Variants in HELZ observed in about 807,000 individuals in gnomAD.
HELZ encodes ATP-dependent RNA helicase with zinc finger domain.
HELZ carries 23 observed loss-of-function variants against 218.2 expected under a neutral mutation model. That is an observed-to-expected ratio of 0.11 (90% CI 0.08 to 0.15). The LOEUF (loss-of-function observed/expected upper bound fraction) is 0.15, where lower values mean the gene tolerates loss of function less well. Ranked by LOEUF, HELZ falls within the 10% of genes least tolerant of loss-of-function variation. HELZ has a pLI of 1.00. For synonymous variants in HELZ, 814 were observed against 829.4 expected, an observed-to-expected ratio of 0.98 and a Z score of 0.32; for missense variants, 1,813 against 2,353.7, an observed-to-expected ratio of 0.77 and a Z score of 4.75.
Position 67,109,689 on chromosome 17 carries a change from A to G in HELZ, c.3919-3T>C, listed in dbSNP as rs904730878. 1.9e-6 allele frequency: 3 copies of G among 1,594,786 alleles called. No individual in the cohort carries two copies. Among genetic ancestry groups the G allele is most frequent in the Admixed American group, 3.5e-5 (2 of 56,508 alleles). ...TGTGGATTTGATTCCAAATCAACCT[A>G]GAAAAAAAGAAGAAGCCTTTTTTAA... On this transcript the variant is annotated splice_polypyrimidine_tract_variant and splice_region_variant and intron_variant, in intron 28 of 32. Coordinates refer to ENST00000358691, the MANE Select transcript of HELZ (RefSeq NM_014877.4).
chr17:67,179,061 A>G, intron 12 of HELZ, 135 bp from the exon 13 acceptor site: 2 of 590,054 alleles, frequency 3.4e-6, no homozygotes, highest in Non-Finnish European at 5.7e-6. Context: ...TAAAAACAAA[A>G]CAATGCAAAT....
At chr17:67,086,292 T>C (rs962006615) in intron 32 of HELZ, among the ~76,000 whole-genome samples, 1 of 152,080 alleles carries the variant, frequency 6.6e-6, no homozygotes, top group Admixed American at 6.6e-5. Flanking sequence ...CTTCTGGACA[T>C]AAAATATGGA....
rs897357920 is a variant in HELZ at position 67,228,024 on chromosome 17, T to C, written c.-18-9202A>G. 5.3e-5 allele frequency among the ~76,000 whole-genome samples: 8 copies of C among 152,190 alleles called. No individual in the cohort carries two copies. In the South Asian group the frequency reaches 1.7e-3, roughly 32 times the overall value. ...AGATGATTTCTGCATCTCTGTCTTA[T>C]ACATTTGCCTATTAGAAAAAAAATA... On this transcript the variant is annotated intron_variant, in intron 3 of 32. Coordinates refer to ENST00000358691, the MANE Select transcript of HELZ (RefSeq NM_014877.4).
chr17:67,183,830 T>C (rs1191099912), intron 12 of HELZ, among the ~76,000 whole-genome samples: 2 of 152,066 alleles, frequency 1.3e-5, no homozygotes, highest in Non-Finnish European at 2.9e-5. Context: ...TAGTGTCTTT[T>C]TCTGAACCCG....
In HELZ at chr17:67,218,665, G is replaced by A. The variant is rs748132369; in HGVS notation, c.140C>T (p.Pro47Leu). 11 of 1,614,222 alleles carry A rather than the reference G, an allele frequency of 6.8e-6. No homozygotes were observed. The East Asian group carries it at 2.5e-4, about 36-fold the overall frequency. Residue 47 changes from proline to leucine, a missense_variant, in exon 4 of 33, where the codon CCT becomes CTT. Around this residue, in one of 4 missense-constraint regions of HELZ, gnomAD observed 714 missense variants for 1,029.2 expected, o/e 0.69. Transcript: ENST00000358691. ...GATGCGTTCTATTTCCAATGGACAA[G>A]GCCCTGTGAAGTCTGCCATGGAGTA... ...GQYSMADFTG[P>L]CPLEIERIKI...
chr17:67,198,234 G>A (rs149704687), intron 7 of HELZ, among the ~76,000 whole-genome samples: 127 of 152,260 alleles, frequency 8.3e-4, no homozygotes, highest in African/African-American at 3.0e-3. Flanking sequence ...ATAAAATAAA[G>A]CCTAAAACAC....
chr17:67,203,224 G>C (rs2040212901), intron 6 of HELZ, 95 bp downstream of exon 6: 2 of 1,323,892 alleles, frequency 1.5e-6, no homozygotes, highest in Admixed American at 4.4e-5. Context: ...AGAACTAAAA[G>C]AAAAAAAGAT....
chr17:67,197,800 C>T (rs577603543), intron 7 of HELZ, among the ~76,000 whole-genome samples: 7 of 152,262 alleles, frequency 4.6e-5, no homozygotes, highest in Admixed American at 1.3e-4. Context: ...GAACTAAACT[C>T]TGTAATACTG....
In HELZ at chr17:67,109,422, G is replaced by T. The variant is rs899566048; in HGVS notation, c.4183C>A (p.Pro1395Thr). Reference protein sequence around the residue: ...NNLPEQPNQIPPQPNQVVQQQ... With the variant: ...NNLPEQPNQITPQPNQVVQQQ... ...TGGACTACCTGATTTGGCTGAGGTG[G>T]TATCTGATTTGGTTGTTCAGGCAAA... The change falls in exon 29 of 33, where the codon CCA becomes ACA. Residue 1395 changes from proline (P) to threonine (T), a missense_variant. Pro to Thr is a conservative substitution (Grantham distance 38). Around this residue, in one of 4 missense-constraint regions of HELZ, gnomAD observed 938 missense variants for 1,027.5 expected, o/e 0.91. Coordinates refer to ENST00000358691, the MANE Select transcript of HELZ (RefSeq NM_014877.4). 3 of 1,614,180 alleles carry T rather than the reference G, an allele frequency of 1.9e-6. No individual in the cohort carries two copies. The highest frequency in any genetic ancestry group is 2.5e-6 in the Non-Finnish European group (3 of 1,180,032).
At chr17:67,233,021 C>T (rs2041077792) in intron 3 of HELZ, among the ~76,000 whole-genome samples, 2 of 152,238 alleles carry the variant, frequency 1.3e-5, no homozygotes, top group Non-Finnish European at 2.9e-5. Flanking sequence ...GTAATCCCAG[C>T]TACTGGGAAG....
At chr17:67,154,516 CTTTG>C (rs759588474) in intron 17 of HELZ, among the ~76,000 whole-genome samples, 1 of 151,688 alleles carries the variant, frequency 6.6e-6, no homozygotes, top group South Asian at 2.1e-4. Context: ...TTTTTTGTTT[CTTTG>C]TTTTTCTTAG....
chr17:67,104,257 A>G (rs1036492487), intron 31 of HELZ, among the ~76,000 whole-genome samples: 2 of 151,868 alleles, frequency 1.3e-5, no homozygotes, highest in African/African-American at 2.4e-5. Context: ...ACATGGTGAA[A>G]CCCCGTATCT....
intron 4 of HELZ, among the ~76,000 whole-genome samples, chr17:67,217,627 G>A (rs937999324): frequency 1.4e-4 from 22 of 152,094 alleles, no homozygotes; most frequent in Admixed American, 1.1e-3. Flanking sequence ...TCTCCACCGC[G>A]TGCACTCTAC....
intron 15 of HELZ, among the ~76,000 whole-genome samples, chr17:67,163,687 C>T (rs1598350057): frequency 6.6e-6 from 1 of 152,088 alleles, no homozygotes; most frequent in South Asian, 2.1e-4. Flanking sequence ...CAGGCGTGAC[C>T]CACCGCACCC....
chr17:67,193,127 G>C (rs1212480765), intron 9 of HELZ, among the ~76,000 whole-genome samples: 2 of 151,924 alleles, frequency 1.3e-5, no homozygotes, highest in Admixed American at 1.3e-4. Context: ...AGGATTGCTT[G>C]AGCTCAGGAG....
intron 15 of HELZ, 48 bp from the exon 16 acceptor site, chr17:67,161,124 A>G (rs755936757): frequency 7.2e-7 from 1 of 1,391,152 alleles, no homozygotes; most frequent in Admixed American, 1.9e-5. Context: ...TCGTTAATAA[A>G]TAGAACATAA....
At chr17:67,240,325 A>G (rs1164347553) in intron 2 of HELZ, among the ~76,000 whole-genome samples, 1 of 152,220 alleles carries the variant, frequency 6.6e-6, no homozygotes, top group Non-Finnish European at 1.5e-5. Context: ...CAAAAGCTAA[A>G]TGACACCCAG....
At chr17:67,112,902 G>A (rs985718091) in intron 28 of HELZ, among the ~76,000 whole-genome samples, 3 of 152,128 alleles carry the variant, frequency 2.0e-5, no homozygotes, top group African/African-American at 2.4e-5. Flanking sequence ...CAAAGAAAAC[G>A]AAAGAAACAA....
At chr17:67,220,983 C>A (rs1192822085) in intron 3 of HELZ, among the ~76,000 whole-genome samples, 1 of 151,702 alleles carries the variant, frequency 6.6e-6, no homozygotes, top group East Asian at 1.9e-4. Flanking sequence ...AAATAAGACA[C>A]AGTTGGTATG....
Sources: gnomAD v4.1 joint callset for allele counts (sites outside exome capture counted in the v4.1 genomes callset) on GRCh38, gnomAD v4.1.1 for gene constraint, gnomAD v4.1.1 regional missense constraint, MANE v1.5 for transcripts, NCBI Gene and HGNC (gene_info 2026-07-23, HGNC 2026-07-21) for gene names.